Variants in HCFC2 observed in about 807,000 individuals in gnomAD.
The protein encoded by HCFC2 is host cell factor C2.
Under a neutral mutation model 89.2 loss-of-function variants are expected in HCFC2, and 18 were observed. That is an observed-to-expected ratio of 0.20 (90% CI 0.14 to 0.30). HCFC2 has a LOEUF of 0.30. Among genes scored for constraint, HCFC2 ranks in the 10% least tolerant of loss-of-function variants. The pLI is 1.00. For missense variants in HCFC2, 578 were observed against 956.1 expected (o/e 0.60, Z 5.21); for synonymous variants, 308 against 335.7 (o/e 0.92, Z 0.90).
In HCFC2 at chr12:104,093,557, A is replaced by G; in HGVS notation, c.1456A>G (p.Asn486Asp). The G allele has an allele frequency of 6.2e-7, 1 of 1,607,104 alleles. No homozygotes were observed. The highest frequency in any genetic ancestry group is 8.5e-7 in the Non-Finnish European group (1 of 1,176,682). ...TCATGTGGTGGATATGCTAAGGAAA[A>G]ATGAAGGTATATGGATGACATTTTA... is the stretch of plus-strand genomic sequence containing the variant. ...NSHVVDMLRKNEGPHTSANVG... is the reference protein window; with the variant it reads ...NSHVVDMLRKDEGPHTSANVG... Residue 486 changes from asparagine to aspartate, a missense_variant, in exon 10 of 15, where the codon AAT becomes GAT. Asn to Asp is a conservative substitution (Grantham distance 23). Coordinates refer to ENST00000229330, the MANE Select transcript of HCFC2 (RefSeq NM_013320.3).
chr12:104,078,417 A>G (rs549528746), intron 3 of HCFC2, among the ~76,000 whole-genome samples: 2 of 152,174 alleles, frequency 1.3e-5, no homozygotes, highest in Non-Finnish European at 2.9e-5. Context: ...AAATGTTACA[A>G]TTTTTGCCCT....
At chr12:104,091,654 GTGTC>G (rs1884026549) in intron 9 of HCFC2, among the ~76,000 whole-genome samples, 1 of 152,160 alleles carries the variant, frequency 6.6e-6, no homozygotes, top group African/African-American at 2.4e-5. Flanking sequence ...GTTAGACTGA[GTGTC>G]TGATTTTAAG....
chr12:104,080,917 T>C, intron 5 of HCFC2, 87 bp downstream of exon 5: 1 of 780,458 alleles, frequency 1.3e-6, no homozygotes, highest in East Asian at 2.8e-5. Context: ...AGTAGTTTCT[T>C]GGAAATAGAT....
intron 13 of HCFC2, among the ~76,000 whole-genome samples, chr12:104,098,816 C>G (rs1347456944): frequency 6.6e-6 from 1 of 152,100 alleles, no homozygotes; most frequent in East Asian, 1.9e-4. Flanking sequence ...CTGGCTAACA[C>G]GGTGAAACCC....
chr12:104,065,024 A>T, intron 1 of HCFC2: 1 of 296,446 alleles, frequency 3.4e-6, no homozygotes, highest in East Asian at 6.1e-5. Flanking sequence ...ACAGAAGACC[A>T]TGTCCAACCG....
At chr12:104,100,642 A>G (rs1457254981) in intron 13 of HCFC2, among the ~76,000 whole-genome samples, 1 of 152,096 alleles carries the variant, frequency 6.6e-6, no homozygotes, top group African/African-American at 2.4e-5. Context: ...TTCATTTTGA[A>G]TCTCCCGAAG....
At position 104,104,177 on chromosome 12, in the gene HCFC2, G is replaced by A. The variant is rs2030027629; in HGVS notation, c.*904G>A. 6.6e-6 allele frequency: 1 copy of A among 151,564 alleles called. No homozygotes were observed. Among genetic ancestry groups the A allele is most frequent in the Non-Finnish European group, 1.5e-5 (1 of 67,812 alleles). 9.4% of individuals were successfully genotyped at this position (151,564 alleles called of 1,614,324 possible). ...AAATTAAAGTATATGTCCTCCTATT[G>A]GAGAAAAAAACAAGCACCTTAACAG... On this transcript the variant is annotated 3_prime_UTR_variant, in exon 15 of 15. Transcript: ENST00000229330.
intron 2 of HCFC2, among the ~76,000 whole-genome samples, chr12:104,067,069 G>A (rs1032404226): frequency 3.9e-5 from 6 of 152,040 alleles, no homozygotes; most frequent in Non-Finnish European, 8.8e-5. Flanking sequence ...ATTAGCCGAC[G>A]TGAGCCACCG....
At chr12:104,079,158 C>A (rs1210749584) in intron 3 of HCFC2, among the ~76,000 whole-genome samples, 3 of 152,122 alleles carry the variant, frequency 2.0e-5, no homozygotes, top group Non-Finnish European at 4.4e-5. Context: ...TGTTTTAACA[C>A]CAACAGTTGG....
At chr12:104,078,482 C>T (rs1883580721) in intron 3 of HCFC2, among the ~76,000 whole-genome samples, 1 of 152,044 alleles carries the variant, frequency 6.6e-6, no homozygotes. Context: ...TCATTTTGCT[C>T]AAAACTTCAA....
At chr12:104,089,999 C>T (rs1883979751) in intron 9 of HCFC2, among the ~76,000 whole-genome samples, 1 of 152,154 alleles carries the variant, frequency 6.6e-6, no homozygotes, top group Non-Finnish European at 1.5e-5. Context: ...GCACAGCTGT[C>T]ACCTTAGAAC....
chr12:104,064,854 G>A lies in HCFC2; in HGVS notation c.163+131G>A. ...CTTCCTTGGGCGGGCGGCGGGGAGC[G>A]CGGCTCAGCCGGGCAGCCCGGGTCC... On this transcript the variant is annotated intron_variant, in intron 1 of 14. Coordinates refer to ENST00000229330, the MANE Select transcript of HCFC2 (RefSeq NM_013320.3). The surrounding 1 kb of genome is among the most constrained non-coding windows in gnomAD (Gnocchi z 7.3). 1 of 842,076 alleles carries A rather than the reference G, an allele frequency of 1.2e-6. No individual in the cohort carries two copies. The highest frequency in any genetic ancestry group is 2.4e-5 in the South Asian group (1 of 40,988). 52.2% of individuals were successfully genotyped at this position (842,076 alleles called of 1,614,324 possible).
At chr12:104,101,154 A>G (rs1193044687) in intron 13 of HCFC2, among the ~76,000 whole-genome samples, 3 of 152,198 alleles carry the variant, frequency 2.0e-5, no homozygotes, top group African/African-American at 7.2e-5. Context: ...CTAATTATTT[A>G]ACATTTATTT....
intron 9 of HCFC2, among the ~76,000 whole-genome samples, chr12:104,089,359 G>A (rs1883957941): frequency 6.6e-6 from 1 of 151,912 alleles, no homozygotes; most frequent in Non-Finnish European, 1.5e-5. Flanking sequence ...TAAAAAAAAT[G>A]CAAAAAATTA....
At chr12:104,091,347 G>A (rs1212526114) in intron 9 of HCFC2, among the ~76,000 whole-genome samples, 1 of 152,126 alleles carries the variant, frequency 6.6e-6, no homozygotes, top group Non-Finnish European at 1.5e-5. Flanking sequence ...CTTGTACTCT[G>A]CACCTCTGCC....
At position 104,098,423 on chromosome 12, in the gene HCFC2, T is replaced by C. The variant is rs1884240988; in HGVS notation, c.1821T>C (p.Asn607=). The change falls in exon 13 of 15, where the codon AAT becomes AAC. Residue 607 remains asparagine, a synonymous_variant. Transcript: ENST00000229330. ...GTGATGTGGGAATTTTTAAAAATAA[T>C]ACAGCTTTGGTGAGCCAGTTTTATT... ...QWCDVGIFKN[N]TALVSQFYLL... The C allele has an allele frequency of 6.8e-6, 11 of 1,612,562 alleles. No individual in the cohort carries two copies. The highest frequency in any genetic ancestry group is 1.3e-5 in the African/African-American group (1 of 74,860).
Position 104,070,027 on chromosome 12 carries a change from A to G in HCFC2, c.473+1920A>G, listed in dbSNP as rs146851465. ...ATCCATGTCCCTGCAAAGGACATGAACTCTTTTTTTTTTGAGACAGAATCT... is the reference window on the plus strand; with the variant it reads ...ATCCATGTCCCTGCAAAGGACATGAGCTCTTTTTTTTTTGAGACAGAATCT... On this transcript the variant is annotated intron_variant, in intron 3 of 14. Coordinates refer to ENST00000229330, the MANE Select transcript of HCFC2 (RefSeq NM_013320.3). Among the ~76,000 whole-genome samples the G allele has an allele frequency of 4.1e-3, 608 of 149,818 alleles. 3 individuals are homozygous for G. Among genetic ancestry groups the G allele is most frequent in the African/African-American group, 0.014 (578 of 40,888 alleles).
At chr12:104,072,698 A>G (rs1883357822) in intron 3 of HCFC2, among the ~76,000 whole-genome samples, 1 of 151,120 alleles carries the variant, frequency 6.6e-6, no homozygotes, top group Non-Finnish European at 1.5e-5. Flanking sequence ...GCTGGAGTGC[A>G]GTGGCGCAAT....
intron 9 of HCFC2, among the ~76,000 whole-genome samples, chr12:104,089,044 C>T (rs2136618356): frequency 6.6e-6 from 1 of 152,172 alleles, no homozygotes; most frequent in East Asian, 1.9e-4. Flanking sequence ...TCAGGACCCA[C>T]CCCCCACAGT....
Sources: allele counts gnomAD v4.1 joint callset (sites outside exome capture counted in the v4.1 genomes callset), GRCh38; gene constraint gnomAD v4.1.1; non-coding constraint Gnocchi (gnomAD v3.1); transcripts MANE v1.5; gene names NCBI Gene and HGNC (gene_info 2026-07-23, HGNC 2026-07-21).